TM9SF3: variants seen among roughly 807,000 people sequenced by gnomAD.
The protein encoded by TM9SF3 is transmembrane 9 superfamily member 3.
In TM9SF3, 14 loss-of-function variants were observed where a neutral mutation model predicts 78.6. That is an observed-to-expected ratio of 0.18 (90% confidence interval 0.12 to 0.28). The LOEUF (loss-of-function observed/expected upper bound fraction) is 0.28, where lower values mean the gene tolerates loss of function less well. TM9SF3 is among the 10% of genes least tolerant of loss of function. The pLI is 1.00. For missense variants in TM9SF3, 496 were observed against 721.9 expected (o/e 0.69, Z 3.59); for synonymous variants, 231 against 241.7 (o/e 0.96, Z 0.41).
chr10:96,554,127 C>T (rs990254332), intron 5 of TM9SF3, among the ~76,000 whole-genome samples: 4 of 152,172 alleles, frequency 2.6e-5, no homozygotes, highest in Non-Finnish European at 4.4e-5. Flanking sequence ...ATGATGTCTA[C>T]TCCCTGGGGT....
intron 2 of TM9SF3, among the ~76,000 whole-genome samples, chr10:96,570,861 T>A (rs1159421720): frequency 1.3e-5 from 2 of 152,200 alleles, no homozygotes; most frequent in Non-Finnish European, 2.9e-5. Context: ...TTCTCCTGCC[T>A]CGGCTTCCCG....
intron 9 of TM9SF3, among the ~76,000 whole-genome samples, chr10:96,542,775 C>T (rs1848049595): frequency 6.6e-6 from 1 of 151,362 alleles, no homozygotes; most frequent in African/African-American, 2.4e-5. Context: ...TTATCACTTA[C>T]TTTGGCTTGA....
chr10:96,543,344 C>CCTTTTTTTT (rs10646607), intron 9 of TM9SF3, among the ~76,000 whole-genome samples: 4 of 136,894 alleles, frequency 2.9e-5, no homozygotes, highest in Admixed American at 2.3e-4. Context: ...TAGTGAGATT[C>CCTTTTTTTT]TTTTTTTTGA....
chr10:96,535,820 T>C (rs2147281), intron 9 of TM9SF3, among the ~76,000 whole-genome samples: 8,214 of 152,312 alleles, frequency 0.054, 298 homozygotes, highest in Middle Eastern at 0.092. Context: ...CTTCTCAATC[T>C]CAGACATAAA....
rs867118200 is a variant in TM9SF3 at position 96,522,686 on chromosome 10, C to T, written c.1703-356G>A. Among the ~76,000 whole-genome samples, 5 of 151,820 alleles carry T rather than the reference C, an allele frequency of 3.3e-5. 1 individual carries two copies. The highest frequency in any genetic ancestry group is 1.2e-4 in the African/African-American group (5 of 41,370). ...TTCTTTGATTTGAAGATATACTATT[C>T]TAGGTCATTAAAGTAAAAATCAATA... is the stretch of plus-strand genomic sequence containing the variant. On this transcript the variant is annotated intron_variant, in intron 14 of 14. Coordinates refer to ENST00000371142, the MANE Select transcript of TM9SF3 (RefSeq NM_020123.4).
intron 7 of TM9SF3, 58 bp downstream of exon 7, chr10:96,551,187 G>T: frequency 7.5e-7 from 1 of 1,341,592 alleles, no homozygotes; most frequent in Non-Finnish European, 1.0e-6. Context: ...AAAGATTCCA[G>T]TGATTAAAAC....
intron 9 of TM9SF3, among the ~76,000 whole-genome samples, chr10:96,542,060 C>T (rs894168539): frequency 6.6e-6 from 1 of 152,202 alleles, no homozygotes; most frequent in Non-Finnish European, 1.5e-5. Flanking sequence ...TTGAGAATCA[C>T]TGAGTTTATG....
chr10:96,585,742 T>G (rs907056913), intron 1 of TM9SF3, among the ~76,000 whole-genome samples: 7 of 152,216 alleles, frequency 4.6e-5, no homozygotes, highest in African/African-American at 1.2e-4. Context: ...TCGTTCTGAT[T>G]TAGTACAAAC....
At chr10:96,533,010 A>G (rs746878794) in intron 10 of TM9SF3, 41 bp downstream of exon 10, 104 of 1,609,416 alleles carry the variant, frequency 6.5e-5, no homozygotes, top group Admixed American at 3.4e-5. Flanking sequence ...GAACTTATAT[A>G]TTGTGTGAAA....
In TM9SF3 at chr10:96,584,736, G is replaced by A. The variant is rs77216905; in HGVS notation, c.102+1998C>T. Among the ~76,000 whole-genome samples, 1,176 of 152,272 alleles carry A rather than the reference G, an allele frequency of 7.7e-3. 47 individuals are homozygous for A. The highest frequency in any genetic ancestry group is 0.055 in the Admixed American group (843 of 15,304). Reference sequence around the variant, plus strand: ...TAAGGCACGAGAATCGCTTGAGCCCGCAAGGCTGAGGTTGCAGTGATGTGA... The same window carrying A: ...TAAGGCACGAGAATCGCTTGAGCCCACAAGGCTGAGGTTGCAGTGATGTGA... On this transcript the variant is annotated intron_variant, in intron 1 of 14. Transcript: ENST00000371142.
In TM9SF3 at chr10:96,544,185, A is replaced by G. The variant is rs1294826438; in HGVS notation, c.1076T>C (p.Met359Thr). ...RQGGRRWIKQMFIGAFLIPAM... is the reference protein window; with the variant it reads ...RQGGRRWIKQTFIGAFLIPAM... ...TGGGATAAGGAATGCCCCAATAAACATCTGCTTTATCCATCTCCTTCCTGA... is the reference window on the plus strand; with the variant it reads ...TGGGATAAGGAATGCCCCAATAAACGTCTGCTTTATCCATCTCCTTCCTGA... The change falls in exon 9 of 15, where the codon ATG (methionine) becomes ACG (threonine). Residue 359 changes from methionine to threonine, a missense_variant. By Grantham distance (81) the Met-to-Thr change is moderately conservative (BLOSUM62 -1). Coordinates refer to ENST00000371142, the MANE Select transcript of TM9SF3 (RefSeq NM_020123.4). 2 of 1,606,168 alleles carry G rather than the reference A, an allele frequency of 1.2e-6. No homozygotes were observed. The highest frequency in any genetic ancestry group is 1.7e-6 in the Non-Finnish European group (2 of 1,176,464).
At position 96,530,541 on chromosome 10, in the gene TM9SF3, T is replaced by C; in HGVS notation, c.1393A>G (p.Met465Val). The change falls in exon 11 of 15, where the codon ATG (methionine) becomes GTG (valine). Residue 465 changes from methionine to valine, a missense_variant and splice_region_variant. By Grantham distance (21) the Met-to-Val change is conservative. Around this residue, in one of 4 missense-constraint regions of TM9SF3, gnomAD observed 280 missense variants for 422.6 expected, o/e 0.66. Coordinates refer to ENST00000371142, the MANE Select transcript of TM9SF3 (RefSeq NM_020123.4). ...CATAAATACATTATCAAAACTTACA[T>C]TTCAATAAAGATTGAACCAAAAGGT... ...ILPFGSIFIEMYFIFTSFWAY... is the reference protein window; with the variant it reads ...ILPFGSIFIEVYFIFTSFWAY... 1 of 1,610,320 alleles carries C rather than the reference T, an allele frequency of 6.2e-7. No individual in the cohort carries two copies. The highest frequency in any genetic ancestry group is 2.2e-5 in the East Asian group (1 of 44,714).
At chr10:96,576,943 T>C (rs1848504025) in intron 1 of TM9SF3, 114 bp from the exon 2 acceptor site, 17 of 742,154 alleles carry the variant, frequency 2.3e-5, no homozygotes, top group Non-Finnish European at 3.1e-5. Context: ...CAGGAAGCTA[T>C]AAAATAAATA....
chr10:96,583,485 G>A (rs925017370), intron 1 of TM9SF3, among the ~76,000 whole-genome samples: 1 of 152,174 alleles, frequency 6.6e-6, no homozygotes, highest in African/African-American at 2.4e-5. Context: ...AATCAATATA[G>A]AGAACCACTC....
chr10:96,522,480 G>GT (rs2134126477), intron 14 of TM9SF3, 150 bp from the exon 15 acceptor site: 1 of 606,466 alleles, frequency 1.6e-6, no homozygotes, highest in African/African-American at 2.0e-5. Context: ...TACTAAAACT[G>GT]TATCATTTGC....
intron 2 of TM9SF3, among the ~76,000 whole-genome samples, chr10:96,571,837 A>C (rs550905117): frequency 1.1e-4 from 16 of 152,150 alleles, no homozygotes; most frequent in Non-Finnish European, 2.2e-4. Flanking sequence ...CAATTAACAC[A>C]CTTCATTATA....
At chr10:96,549,250 T>C (rs918951436) in intron 7 of TM9SF3, among the ~76,000 whole-genome samples, 7 of 152,202 alleles carry the variant, frequency 4.6e-5, no homozygotes, top group Admixed American at 2.6e-4. Context: ...ATTTTTACTT[T>C]ACATTATCTG....
chr10:96,539,477 C>T (rs955390863), intron 9 of TM9SF3, among the ~76,000 whole-genome samples: 1 of 152,052 alleles, frequency 6.6e-6, no homozygotes, highest in African/African-American at 2.4e-5. Flanking sequence ...ATGAAAATTA[C>T]ACTATGATAA....
intron 5 of TM9SF3, 91 bp from the exon 6 acceptor site, chr10:96,553,150 GA>G (rs571887794): frequency 2.7e-3 from 2,988 of 1,099,932 alleles, no homozygotes; most frequent in South Asian, 5.4e-3. Flanking sequence ...TTAATGCAAA[GA>G]AAAAAAAAAG....
Sources: allele counts gnomAD v4.1 joint callset (sites outside exome capture counted in the v4.1 genomes callset), GRCh38; gene constraint gnomAD v4.1.1; regional missense constraint gnomAD v4.1.1; transcripts MANE v1.5; gene names NCBI Gene and HGNC (gene_info 2026-07-23, HGNC 2026-07-21).